The following SIX5 variants were observed in gnomAD, a reference collection of about 807,000 sequenced individuals.
SIX5 encodes the protein homeobox protein SIX5.
A neutral mutation model predicts 37.1 loss-of-function variants in SIX5; 21 were observed. The observed-to-expected ratio is 0.57, with a 90% CI of 0.40 to 0.81. SIX5 has a LOEUF of 0.81. Ranked by LOEUF, SIX5 falls within the 40% of genes least tolerant of loss-of-function variation. The probability of loss-of-function intolerance (pLI) is 0.00; values close to 1 mark genes in which losing one functional copy is unlikely to be tolerated. For synonymous variants in SIX5, 626 were observed against 505.9 expected, an observed-to-expected ratio of 1.24 and a Z score of -3.19; for missense variants, 1,137 against 1,025.1, an observed-to-expected ratio of 1.11 and a Z score of -1.49.
At chr19:45,767,506 C>T (rs1263855081) in intron 1 of SIX5, among the ~76,000 whole-genome samples, 1 of 152,220 alleles carries the variant, frequency 6.6e-6, no homozygotes, top group Non-Finnish European at 1.5e-5. Context: ...CCGGTGCCCT[C>T]CCCGCGGGGC....
In SIX5 at chr19:45,764,989, C is replaced by T. The variant is rs1969036916; in HGVS notation, c.*512G>A. 3 of 207,610 alleles carry T rather than the reference C, an allele frequency of 1.4e-5. No individual in the cohort carries two copies. The highest frequency in any genetic ancestry group is 4.5e-5 in the African/African-American group (2 of 43,970). The allele number at this position is 207,610 out of a possible 1,614,324, so 12.9% of individuals were successfully genotyped here. A position where few individuals can be genotyped will look rare whatever the true frequency, so the allele number is the denominator to read the frequency against. On this transcript the variant is annotated 3_prime_UTR_variant, in exon 3 of 3. Coordinates refer to ENST00000317578, the MANE Select transcript of SIX5 (RefSeq NM_175875.5). ...GAAGACCCCCGTCTCCCCACAGCTG[C>T]CCCACCCCCCGCCCCTGGCAGGAAA...
intron 1 of SIX5, among the ~76,000 whole-genome samples, chr19:45,767,442 C>T (rs1227780012): frequency 2.0e-5 from 3 of 152,172 alleles, no homozygotes; most frequent in South Asian, 2.1e-4. Context: ...CTTGGTTGGG[C>T]GGAAAGCGGG....
At chr19:45,767,776 T>A in intron 1 of SIX5, 1 of 550,920 alleles carries the variant, frequency 1.8e-6, no homozygotes, top group Admixed American at 3.3e-5. Flanking sequence ...CCCCGCAGTG[T>A]GATTCCCCAA....
rs567653696 is a variant in SIX5 at position 45,766,029 on chromosome 19, G to A, written c.1692C>T (p.Thr564=). 2.4e-5 allele frequency: 38 copies of A among 1,611,176 alleles called. No homozygotes were observed. The highest frequency in any genetic ancestry group is 5.3e-5 in the African/African-American group (4 of 74,980). ...VALQQGKIIL[T]ATFPTSMLVS... ...CGAGCATGCTGGTGGGGAAGGTGGC[G>A]GTGAGGATGATCTTGCCCTGCTGCA... The change falls in exon 3 of 3, where the codon ACC becomes ACT. Residue 564 remains threonine, a synonymous_variant. Transcript: ENST00000317578.
At chr19:45,766,177 G>GA (rs1969069694) in intron 2 of SIX5, 66 bp from the exon 3 acceptor site, 1 of 1,567,654 alleles carries the variant, frequency 6.4e-7, no homozygotes, top group Non-Finnish European at 8.7e-7. Context: ...GAGAGAAGTG[G>GA]AGACTGTGCA....
Position 45,766,078 on chromosome 19 carries a change from C to T in SIX5, c.1643G>A (p.Ser548Asn). The T allele has an allele frequency of 1.2e-6, 2 of 1,611,988 alleles. No homozygotes were observed. Among genetic ancestry groups the T allele is most frequent in the Non-Finnish European group, 1.7e-6 (2 of 1,179,232 alleles). ...CAGGGCCACACCCGTCACGATGGGG[C>T]TGCCAGACACAGGGTTGGCCAGGAG... ...NFLLANPVSG[S>N]PIVTGVALQQ... The change falls in exon 3 of 3, where the codon AGC becomes AAC. Residue 548 changes from serine to asparagine, a missense_variant. By Grantham distance (46) the Ser-to-Asn change is conservative. Transcript: ENST00000317578.
chr19:45,767,021 G>A lies in SIX5; in HGVS notation c.938C>T (p.Ala313Val), dbSNP rs760494716. Residue 313 changes from alanine to valine, a missense_variant, in exon 2 of 3, where the codon GCG becomes GTG. Ala to Val is a moderately conservative substitution (Grantham distance 64, BLOSUM62 0). This residue lies in a region of SIX5 where 787 missense variants were observed against 621.4 expected (regional missense o/e 1.27). Coordinates refer to ENST00000317578, the MANE Select transcript of SIX5 (RefSeq NM_175875.5). ...GATGGAGGAGGAAGCCGGGCAAGGC[G>A]CGGGAGGGCCGGTCCCTGCCAGGAA... ...SIFLAGTGPP[A>V]PCPASSSILV... 4 of 1,608,552 alleles carry A rather than the reference G, an allele frequency of 2.5e-6. No homozygotes were observed. Among genetic ancestry groups the A allele is most frequent in the South Asian group, 1.1e-5 (1 of 90,640 alleles).
chr19:45,767,249 G>A (rs1402540968), intron 1 of SIX5, 94 bp from the exon 2 acceptor site: 14 of 1,325,130 alleles, frequency 1.1e-5, no homozygotes, highest in Admixed American at 2.0e-5. Context: ...CCTGGCCCAA[G>A]TTTCGGTGGA....
At position 45,767,434 on chromosome 19, in the gene SIX5, T is replaced by C. The variant is rs1317737198; in HGVS notation, c.804-279A>G. 5.3e-5 allele frequency among the ~76,000 whole-genome samples: 8 copies of C among 152,032 alleles called. No homozygotes were observed. In the East Asian group the frequency reaches 1.2e-3, roughly 22 times the overall value. ...CTCCCAGGTTGCCCTAAAAGTTCCT[T>C]GGTTGGGCGGAAAGCGGGCGAGTGG... On this transcript the variant is annotated intron_variant, in intron 1 of 2. Coordinates refer to ENST00000317578, the MANE Select transcript of SIX5 (RefSeq NM_175875.5).
intron 1 of SIX5, 66 bp from the exon 2 acceptor site, chr19:45,767,221 G>C: frequency 2.6e-6 from 4 of 1,521,228 alleles, no homozygotes; most frequent in African/African-American, 1.4e-5. Context: ...TAGCCAGCCA[G>C]CTGCTCCCCC....
At position 45,765,571 on chromosome 19, in the gene SIX5, C is replaced by A; in HGVS notation, c.2150G>T (p.Gly717Val). The A allele has an allele frequency of 1.9e-6, 3 of 1,613,410 alleles. No homozygotes were observed. Among genetic ancestry groups the A allele is most frequent in the Non-Finnish European group, 2.5e-6 (3 of 1,180,016 alleles). Residue 717 changes from glycine (G) to valine (V), a missense_variant, in exon 3 of 3, where the codon GGG becomes GTG. By Grantham distance (109) the Gly-to-Val change is moderately radical. Coordinates refer to ENST00000317578, the MANE Select transcript of SIX5 (RefSeq NM_175875.5). ...CAGAACCTTGGCCTCAGCTTCCAACCCCTCGTCAACCTCACCCCCTGCGGT... is the reference window on the plus strand; with the variant it reads ...CAGAACCTTGGCCTCAGCTTCCAACACCTCGTCAACCTCACCCCCTGCGGT... ...GATAGGEVDE[G>V]LEAEAKVLTQ...
chr19:45,765,919 G>A lies in SIX5; in HGVS notation c.1802C>T (p.Pro601Leu), dbSNP rs768981892. 55 of 1,589,262 alleles carry A rather than the reference G, an allele frequency of 3.5e-5. No individual in the cohort carries two copies. Among genetic ancestry groups the A allele is most frequent in the Middle Eastern group, 1.7e-4 (1 of 6,000 alleles). The change falls in exon 3 of 3, where the codon CCG (proline) becomes CTG (leucine). Residue 601 changes from proline to leucine, a missense_variant. By Grantham distance (98) the Pro-to-Leu change is moderately conservative. Transcript: ENST00000317578. ...TAISVPEGGL[P>L]VAPSPALPEA... ...TGGGAGAGCAGGGCTGGGGGCCACCGGGAGGCCTCCCTCAGGCACGGAGAT... is the reference window on the plus strand; with the variant it reads ...TGGGAGAGCAGGGCTGGGGGCCACCAGGAGGCCTCCCTCAGGCACGGAGAT...
intron 2 of SIX5, 87 bp from the exon 3 acceptor site, chr19:45,766,198 G>T: frequency 6.6e-7 from 1 of 1,526,576 alleles, no homozygotes; most frequent in East Asian, 2.4e-5. Context: ...GCTGGAGGGC[G>T]GGCGGAGGGA....
Position 45,765,778 on chromosome 19 carries a change from G to C in SIX5, c.1943C>G (p.Pro648Arg), listed in dbSNP as rs140816771. ...PDSPGLLPNF[P>R]APPPEGLMLS... is the part of the protein sequence containing the mutation. ...CATCAGCCCCTCTGGTGGGGGCGCC[G>C]GGAAGTTGGGCAGGAGGCCAGGGGA... is the stretch of plus-strand genomic sequence containing the variant. Residue 648 changes from proline (P) to arginine (R), a missense_variant, in exon 3 of 3, where the codon CCG becomes CGG. Transcript: ENST00000317578. 26 of 1,607,846 alleles carry C rather than the reference G, an allele frequency of 1.6e-5. No individual in the cohort carries two copies. Among genetic ancestry groups the C allele is most frequent in the Non-Finnish European group, 1.9e-5 (23 of 1,179,950 alleles).
Position 45,768,131 on chromosome 19 carries a change from G to C in SIX5, c.714C>G (p.Thr238=), listed in dbSNP as rs758444909. The change falls in exon 1 of 3, where the codon ACC becomes ACG. Residue 238 remains threonine, a synonymous_variant. Transcript: ENST00000317578. ...TGCTGACCTGCGTGAGCGACAGGCC[G>C]GTGAGTGTGGCCAGGCGGCGCTTCT... ...PDEKRRLATL[T]GLSLTQVSNW... 29 of 1,609,716 alleles carry C rather than the reference G, an allele frequency of 1.8e-5. No homozygotes were observed. In the African/African-American group the frequency reaches 2.8e-4, roughly 16 times the overall value.
Position 45,765,033 on chromosome 19 carries a change from C to A in SIX5, c.*468G>T. The A allele has an allele frequency of 4.6e-6, 1 of 218,600 alleles. No homozygotes were observed. The highest frequency in any genetic ancestry group is 9.4e-6 in the Non-Finnish European group (1 of 106,740). 13.5% of individuals were successfully genotyped at this position (218,600 alleles called of 1,614,324 possible). On this transcript the variant is annotated 3_prime_UTR_variant, in exon 3 of 3. Coordinates refer to ENST00000317578, the MANE Select transcript of SIX5 (RefSeq NM_175875.5). ...CAGGAAATGCCACACTGGGGAGGGTCTCCAGTCTCAGGGGCGCGGGGCTGC... is the reference window on the plus strand; with the variant it reads ...CAGGAAATGCCACACTGGGGAGGGTATCCAGTCTCAGGGGCGCGGGGCTGC...
Position 45,769,121 on chromosome 19 carries a change from C to T in SIX5, c.-277G>A, listed in dbSNP as rs1969170221. On this transcript the variant is annotated 5_prime_UTR_variant, in exon 1 of 3. Transcript: ENST00000317578. The stretch of plus-strand genomic sequence containing the variant: ...GCTTTCTGCCTCCCCCCAGCGTGTG[C>T]TTCTGGCTCAGGGCCTCAGTTTCCC... 8.2e-6 allele frequency: 4 copies of T among 488,662 alleles called. No individual in the cohort carries two copies. The highest frequency in any genetic ancestry group is 3.6e-5 in the East Asian group (1 of 28,022). The allele number at this position is 488,662 out of a possible 1,614,324, so 30.3% of individuals were successfully genotyped here.
At chr19:45,767,848 G>A (rs1052869316) in intron 1 of SIX5, 194 bp downstream of exon 1, 4 of 598,470 alleles carry the variant, frequency 6.7e-6, no homozygotes, top group Non-Finnish European at 2.9e-6. Flanking sequence ...CGCGTGCGGG[G>A]AGAGGGCCCG....
chr19:45,765,418 C>T lies in SIX5; in HGVS notation c.*83G>A, dbSNP rs1053263845. On this transcript the variant is annotated 3_prime_UTR_variant, in exon 3 of 3. Coordinates refer to ENST00000317578, the MANE Select transcript of SIX5 (RefSeq NM_175875.5). ...TGTGGTGACTGGGGTCTTCAGCAAC[C>T]GCATTTCTGGGGCTCCCCCCTCCCA... 35 of 1,598,506 alleles carry T rather than the reference C, an allele frequency of 2.2e-5. No homozygotes were observed. The highest frequency in any genetic ancestry group is 3.3e-5 in the Admixed American group (2 of 59,988).
Sources: allele counts gnomAD v4.1 joint callset (sites outside exome capture counted in the v4.1 genomes callset), GRCh38; gene constraint gnomAD v4.1.1; regional missense constraint gnomAD v4.1.1; transcripts MANE v1.5; gene names NCBI Gene and HGNC (gene_info 2026-07-23, HGNC 2026-07-21).